The following PRPF4 variants were observed in gnomAD, a reference collection of about 807,000 sequenced individuals.
PRPF4 encodes U4/U6 small nuclear ribonucleoprotein Prp4.
Under a neutral mutation model 72.2 loss-of-function variants are expected in PRPF4, and 14 were observed. The ratio of observed to expected loss-of-function variants is 0.19; its 90% CI spans 0.13 to 0.30. PRPF4 has a LOEUF of 0.30. PRPF4 is among the 10% of genes least tolerant of loss of function. The pLI, the probability that PRPF4 is intolerant of heterozygous loss-of-function variation, is 1.00. For missense variants in PRPF4, 478 were observed against 653.9 expected, an observed-to-expected ratio of 0.73 and a Z score of 2.93; for synonymous variants, 225 against 232.2, an observed-to-expected ratio of 0.97 and a Z score of 0.28.
At chr9:113,275,825 G>T in intron 1 of PRPF4, 55 bp downstream of exon 1, 1 of 1,603,192 alleles carries the variant, frequency 6.2e-7, no homozygotes, top group Non-Finnish European at 8.5e-7. Flanking sequence ...GGGGGAAGGG[G>T]ATCTCTGCGG....
At chr9:113,283,549 T>C (rs1832347101) in intron 6 of PRPF4, 67 bp downstream of exon 6, 1 of 1,557,118 alleles carries the variant, frequency 6.4e-7, no homozygotes, top group African/African-American at 1.4e-5. Flanking sequence ...TTTTCTACTT[T>C]GGCTCACCTC....
At chr9:113,276,469 G>T in intron 1 of PRPF4, 79 bp from the exon 2 acceptor site, 1 of 1,470,378 alleles carries the variant, frequency 6.8e-7, no homozygotes, top group East Asian at 2.3e-5. Context: ...TGAAACTCAG[G>T]GTGAGCTTCA....
At position 113,282,722 on chromosome 9, in the gene PRPF4, T is replaced by G. The variant is rs368993641; in HGVS notation, c.469T>G (p.Ser157Ala). Reference protein sequence around the residue: ...TKKDDEKSKKSKEEYQQTWYH... With the variant: ...TKKDDEKSKKAKEEYQQTWYH... ...AAAGGATGATGAGAAGTCTAAAAAG[T>G]CCAAAGAAGAGGTAGAACATGTCTT... Residue 157 changes from serine (S) to alanine (A), a missense_variant, in exon 4 of 14, where the codon TCC becomes GCC. Transcript: ENST00000374198. 3.1e-5 allele frequency: 49 copies of G among 1,604,392 alleles called. No homozygotes were observed. Among genetic ancestry groups the G allele is most frequent in the Non-Finnish European group, 3.5e-5 (41 of 1,172,052 alleles).
intron 7 of PRPF4, among the ~76,000 whole-genome samples, chr9:113,285,143 G>A (rs1466809027): frequency 6.6e-6 from 1 of 151,320 alleles, no homozygotes; most frequent in East Asian, 1.9e-4. Context: ...CTGTTAGAAA[G>A]ATCATCCGAG....
At chr9:113,278,502 C>G (rs1712501630) in intron 2 of PRPF4, among the ~76,000 whole-genome samples, 1 of 152,220 alleles carries the variant, frequency 6.6e-6, no homozygotes, top group Non-Finnish European at 1.5e-5. Context: ...GTGGAACTCT[C>G]ATTTTCCTGG....
intron 7 of PRPF4, among the ~76,000 whole-genome samples, chr9:113,285,545 A>AT (rs1214076499): frequency 6.6e-6 from 1 of 150,478 alleles, no homozygotes; most frequent in Non-Finnish European, 1.5e-5. Flanking sequence ...CACCCAGCTA[A>AT]TTTTTTGTAT....
Position 113,289,107 on chromosome 9 carries a change from A to G in PRPF4, c.1022+843A>G, listed in dbSNP as rs75299327. Among the ~76,000 whole-genome samples the G allele has an allele frequency of 4.1e-3, 621 of 152,346 alleles. 6 individuals are homozygous for G. Among genetic ancestry groups the G allele is most frequent in the African/African-American group, 0.014 (572 of 41,580 alleles). ...CTATCACCACAAATTAATTATGTCT[A>G]TTCATACTGTGAATTCATTTGTGGC... On this transcript the variant is annotated intron_variant, in intron 10 of 13. Coordinates refer to ENST00000374198, the MANE Select transcript of PRPF4 (RefSeq NM_001244926.2).
Position 113,286,618 on chromosome 9 carries a change from C to G in PRPF4, c.809-87C>G, listed in dbSNP as rs933887916. On this transcript the variant is annotated intron_variant, in intron 8 of 13. Coordinates refer to ENST00000374198, the MANE Select transcript of PRPF4 (RefSeq NM_001244926.2). ...TAATAGTTGAATAGTCACTTGAATA[C>G]TCTGTATGTCCACATGTTCCCTAGT... The G allele has an allele frequency of 2.9e-5, 43 of 1,481,386 alleles. 1 individual carries two copies. Among genetic ancestry groups the G allele is most frequent in the Non-Finnish European group, 4.0e-5 (43 of 1,068,136 alleles). 91.8% of individuals were successfully genotyped at this position (1,481,386 alleles called of 1,614,324 possible).
In PRPF4 at chr9:113,292,406, A is replaced by G. The variant is rs967720380; in HGVS notation, c.*746A>G. The G allele has an allele frequency of 6.6e-6, 1 of 152,076 alleles. No individual in the cohort carries two copies. Among genetic ancestry groups the G allele is most frequent in the Non-Finnish European group, 1.5e-5 (1 of 68,040 alleles). The allele number at this position is 152,076 out of a possible 1,614,324, so 9.4% of individuals were successfully genotyped here. On this transcript the variant is annotated 3_prime_UTR_variant, in exon 14 of 14. Transcript: ENST00000374198. Reference sequence around the variant, plus strand: ...GCCCTCAGGTAAAGAGGCACATCTCACCACTCATTGGTTAAACAATGCATC... The same window carrying G: ...GCCCTCAGGTAAAGAGGCACATCTCGCCACTCATTGGTTAAACAATGCATC...
At chr9:113,284,271 G>A (rs1477710589) in intron 6 of PRPF4, 24 bp from the exon 7 acceptor site, 5 of 1,509,654 alleles carry the variant, frequency 3.3e-6, no homozygotes, top group Non-Finnish European at 4.6e-6. Context: ...TGATCACCGT[G>A]TGTGTATTTT....
intron 4 of PRPF4, 52 bp from the exon 5 acceptor site, chr9:113,283,075 TATAAG>T (rs1172603640): frequency 1.9e-6 from 3 of 1,611,794 alleles, no homozygotes; most frequent in African/African-American, 2.7e-5. Flanking sequence ...AAATGACAGT[TATAAG>T]AGGAGTAGAA....
Position 113,290,482 on chromosome 9 carries a change from C to T in PRPF4, c.1039C>T (p.Arg347Cys). Residue 347 changes from arginine to cysteine, a missense_variant, in exon 11 of 14, where the codon CGC becomes TGC. Arg to Cys is a radical substitution (Grantham distance 180). Transcript: ENST00000374198. ...LGTTCYDRSW[R>C]LWDLEAQEEI... ...TGGTTTTAGCTATGACCGTTCATGG[C>T]GCTTATGGGATTTGGAGGCTCAAGA... is the stretch of plus-strand genomic sequence containing the variant. The T allele has an allele frequency of 6.2e-7, 1 of 1,614,154 alleles. No homozygotes were observed. The highest frequency in any genetic ancestry group is 8.5e-7 in the Non-Finnish European group (1 of 1,180,032).
intron 7 of PRPF4, among the ~76,000 whole-genome samples, chr9:113,285,759 A>T (rs952697963): frequency 6.6e-6 from 1 of 152,012 alleles, no homozygotes; most frequent in Non-Finnish European, 1.5e-5. Context: ...CCAGCTACTC[A>T]GGAGGCTGGG....
At chr9:113,276,481 C>T in intron 1 of PRPF4, 67 bp from the exon 2 acceptor site, 1 of 1,557,448 alleles carries the variant, frequency 6.4e-7, no homozygotes, top group Non-Finnish European at 8.9e-7. Context: ...TGAGCTTCAT[C>T]CTCTGGTGAA....
chr9:113,283,279 G>A, intron 5 of PRPF4, 68 bp downstream of exon 5: 7 of 1,613,738 alleles, frequency 4.3e-6, no homozygotes, highest in Non-Finnish European at 5.9e-6. Flanking sequence ...GGAACTGAGT[G>A]CTGGATAATG....
chr9:113,281,406 T>G (rs1307097309), intron 3 of PRPF4, among the ~76,000 whole-genome samples: 1 of 152,238 alleles, frequency 6.6e-6, no homozygotes, highest in African/African-American at 2.4e-5. Flanking sequence ...GAGTCACTAC[T>G]GCTACTATCT....
At chr9:113,286,121 A>G (rs1832443075) in intron 7 of PRPF4, 111 bp from the exon 8 acceptor site, 1 of 1,213,154 alleles carries the variant, frequency 8.2e-7, no homozygotes, top group Non-Finnish European at 1.2e-6. Context: ...TCTGTCAGCC[A>G]TTGTAAAGTT....
At chr9:113,283,036 C>T in intron 4 of PRPF4, 96 bp from the exon 5 acceptor site, 2 of 1,570,912 alleles carry the variant, frequency 1.3e-6, no homozygotes, top group East Asian at 2.2e-5. Context: ...CGAATGAATT[C>T]ACCTTCCTTC....
At chr9:113,287,572 A>C (rs531683854) in intron 9 of PRPF4, among the ~76,000 whole-genome samples, 19 of 152,208 alleles carry the variant, frequency 1.2e-4, no homozygotes, top group African/African-American at 4.1e-4. Context: ...AAAACACATG[A>C]AGGTTTTTAC....
Sources: allele counts gnomAD v4.1 joint callset (sites outside exome capture counted in the v4.1 genomes callset), GRCh38; gene constraint gnomAD v4.1.1; transcripts MANE v1.5; gene names NCBI Gene and HGNC (gene_info 2026-07-23, HGNC 2026-07-21).